FAM171B: variants seen among roughly 807,000 people sequenced by gnomAD.
FAM171B encodes family with sequence similarity 171 member B.
A neutral mutation model predicts 75.6 loss-of-function variants in FAM171B; 19 were observed. The observed-to-expected ratio is 0.25, with a 90% CI of 0.18 to 0.37. The LOEUF (loss-of-function observed/expected upper bound fraction) is 0.37. FAM171B is among the 10% of genes least tolerant of loss of function. FAM171B has a pLI of 1.00. For synonymous variants in FAM171B, 367 were observed against 361.7 expected, an observed-to-expected ratio of 1.01 and a Z score of -0.17; for missense variants, 848 against 982.4, an observed-to-expected ratio of 0.86 and a Z score of 1.83.
At chr2:186,736,432 G>A (rs568014663) in intron 1 of FAM171B, among the ~76,000 whole-genome samples, 12 of 151,798 alleles carry the variant, frequency 7.9e-5, no homozygotes, top group East Asian at 3.9e-4. Flanking sequence ...GTAGAATAAC[G>A]CACTTAAAAA....
At position 186,764,547 on chromosome 2, in the gene FAM171B, G is replaced by C. The variant is rs1430822039; in HGVS notation, c.*1724G>C. 1 of 119,974 alleles carries C rather than the reference G, an allele frequency of 8.3e-6. No homozygotes were observed. Among genetic ancestry groups the C allele is most frequent in the Non-Finnish European group, 1.6e-5 (1 of 61,358 alleles). 7.4% of individuals were successfully genotyped at this position (119,974 alleles called of 1,614,324 possible). A position where few individuals can be genotyped will look rare whatever the true frequency, so the allele number is the denominator to read the frequency against. ...GCTTCTTATTGGTCTTACACAGAAAGATACATCAAAAGCAGCATGACTCAA... is the reference window on the plus strand; with the variant it reads ...GCTTCTTATTGGTCTTACACAGAAACATACATCAAAAGCAGCATGACTCAA... On this transcript the variant is annotated 3_prime_UTR_variant, in exon 8 of 8. Transcript: ENST00000304698.
chr2:186,751,428 G>A, intron 5 of FAM171B, 124 bp downstream of exon 5: 1 of 838,884 alleles, frequency 1.2e-6, no homozygotes, highest in Non-Finnish European at 1.7e-6. Context: ...GTATTTGTTA[G>A]TGACCAAAAT....
At chr2:186,709,345 T>G (rs2682868) in intron 1 of FAM171B, among the ~76,000 whole-genome samples, 67,108 of 151,498 alleles carry the variant, frequency 0.44, 15,151 homozygotes, top group East Asian at 0.73. Context: ...GGGCTTATCA[T>G]TCCCTATTAG....
At chr2:186,748,975 C>T (rs922881150) in intron 4 of FAM171B, among the ~76,000 whole-genome samples, 1 of 152,096 alleles carries the variant, frequency 6.6e-6, no homozygotes, top group Non-Finnish European at 1.5e-5. Context: ...GAACTGTTTC[C>T]CAACACTCTA....
intron 1 of FAM171B, among the ~76,000 whole-genome samples, chr2:186,715,075 C>T (rs1364878375): frequency 6.6e-6 from 1 of 152,128 alleles, no homozygotes; most frequent in Admixed American, 6.5e-5. Context: ...ATTCAATAGT[C>T]AAATAGAGAG....
At chr2:186,739,355 C>G (rs1039231071) in intron 1 of FAM171B, among the ~76,000 whole-genome samples, 3 of 152,072 alleles carry the variant, frequency 2.0e-5, no homozygotes, top group Non-Finnish European at 4.4e-5. Context: ...ACTATAAGTT[C>G]ATAAACTTAC....
rs567044711 is a variant in FAM171B at position 186,707,688 on chromosome 2, G to A, written c.238+13277G>A. Among the ~76,000 whole-genome samples the A allele has an allele frequency of 3.4e-4, 51 of 152,138 alleles. 1 individual carries two copies. In the South Asian group the frequency reaches 0.011, roughly 32 times the overall value. Reference sequence around the variant, plus strand: ...CTTCAGTTCTCTGTACCTCGGGAGTGACAGGTTTTGTGCCTCAGTGCCTTA... The same window carrying A: ...CTTCAGTTCTCTGTACCTCGGGAGTAACAGGTTTTGTGCCTCAGTGCCTTA... On this transcript the variant is annotated intron_variant, in intron 1 of 7. Coordinates refer to ENST00000304698, the MANE Select transcript of FAM171B (RefSeq NM_177454.4).
intron 1 of FAM171B, among the ~76,000 whole-genome samples, chr2:186,703,004 C>T (rs1238184619): frequency 6.6e-6 from 1 of 151,472 alleles, no homozygotes; most frequent in African/African-American, 2.4e-5. Context: ...ACTTCTTGTT[C>T]AGTTTTGTTC....
chr2:186,711,872 T>C (rs1689813894), intron 1 of FAM171B, among the ~76,000 whole-genome samples: 1 of 152,200 alleles, frequency 6.6e-6, no homozygotes, highest in Admixed American at 6.6e-5. Flanking sequence ...TTTTGGTCCG[T>C]GATTATCTTT....
At chr2:186,752,638 C>G (rs1690472910) in intron 5 of FAM171B, among the ~76,000 whole-genome samples, 1 of 152,066 alleles carries the variant, frequency 6.6e-6, no homozygotes, top group Non-Finnish European at 1.5e-5. Context: ...TCTTTCTGGC[C>G]AAGGCATCTA....
chr2:186,743,600 T>TAAAC, intron 3 of FAM171B, 25 bp downstream of exon 3: 2 of 1,406,490 alleles, frequency 1.4e-6, no homozygotes, highest in Non-Finnish European at 1.0e-6. Flanking sequence ...TCTTACTAAG[T>TAAAC]AAACACTTAA....
intron 1 of FAM171B, among the ~76,000 whole-genome samples, chr2:186,731,642 C>T (rs781359166): frequency 7.2e-5 from 11 of 152,278 alleles, no homozygotes; most frequent in East Asian, 1.9e-4. Context: ...TCATATATAT[C>T]GGGTCTGAAA....
chr2:186,740,150 T>C, intron 1 of FAM171B, 78 bp from the exon 2 acceptor site: 1 of 954,780 alleles, frequency 1.0e-6, no homozygotes, highest in Non-Finnish European at 1.6e-6. Flanking sequence ...TATTTAGATA[T>C]GTTGAATGAC....
chr2:186,729,534 T>C (rs1690082675), intron 1 of FAM171B, among the ~76,000 whole-genome samples: 2 of 152,158 alleles, frequency 1.3e-5, no homozygotes, highest in South Asian at 4.1e-4. Flanking sequence ...GTTGACACCA[T>C]GGAAATCAGA....
At chr2:186,720,713 A>AG (rs1168343319) in intron 1 of FAM171B, among the ~76,000 whole-genome samples, 7 of 134,260 alleles carry the variant, frequency 5.2e-5, no homozygotes, top group Non-Finnish European at 9.9e-5. Context: ...AAAAAAAAAA[A>AG]AAAGAAAAGA....
At chr2:186,694,465 G>T in intron 1 of FAM171B, 54 bp downstream of exon 1, 2 of 1,553,058 alleles carry the variant, frequency 1.3e-6, no homozygotes, top group South Asian at 1.2e-5. Flanking sequence ...GATCTCTTAG[G>T]GCCTCGCCGG....
At chr2:186,721,694 A>G (rs960676370) in intron 1 of FAM171B, among the ~76,000 whole-genome samples, 2 of 152,190 alleles carry the variant, frequency 1.3e-5, no homozygotes, top group Admixed American at 6.5e-5. Flanking sequence ...TTGTAAACAT[A>G]TTAAAGGCTA....
chr2:186,762,613 C>T lies in FAM171B; in HGVS notation c.2271C>T (p.Asp757=), dbSNP rs757150566. ...ESGTTVCSPE[D]PALRHILDGG... ...GAACCACCGTCTGTTCCCCTGAGGA[C>T]CCAGCTTTAAGGCACATCCTAGATG... The change falls in exon 8 of 8, where the codon GAC becomes GAT. Residue 757 remains aspartate, a synonymous_variant. Coordinates refer to ENST00000304698, the MANE Select transcript of FAM171B (RefSeq NM_177454.4). The surrounding 1 kb of genome is among the most constrained non-coding windows in gnomAD (Gnocchi z 4.0). 1.2e-6 allele frequency: 2 copies of T among 1,613,158 alleles called. No individual in the cohort carries two copies. The highest frequency in any genetic ancestry group is 2.2e-5 in the South Asian group (2 of 91,058).
chr2:186,695,431 C>T (rs1429368662), intron 1 of FAM171B: 1 of 152,158 alleles, frequency 6.6e-6, no homozygotes, highest in East Asian at 1.9e-4. Context: ...TTTGTGAAAC[C>T]AAAGTGAATT....
Sources: allele counts gnomAD v4.1 joint callset (sites outside exome capture counted in the v4.1 genomes callset), GRCh38; gene constraint gnomAD v4.1.1; non-coding constraint Gnocchi (gnomAD v3.1); transcripts MANE v1.5; gene names NCBI Gene and HGNC (gene_info 2026-07-23, HGNC 2026-07-21).